The following STARD8 variants were observed in gnomAD, a reference collection of about 807,000 sequenced individuals.
STARD8 encodes the protein StAR related lipid transfer domain containing 8, also known as stAR-related lipid transfer protein 8.
In STARD8, 25 loss-of-function variants were observed where a neutral mutation model predicts 69.4. The observed-to-expected ratio is 0.36, with a 90% CI of 0.26 to 0.50. STARD8 has a LOEUF of 0.50. Ranked by LOEUF, STARD8 falls within the 20% of genes least tolerant of loss-of-function variation. STARD8 has a pLI of 0.96. For synonymous variants in STARD8, 389 were observed against 374.6 expected (o/e 1.04, Z -0.45); for missense variants, 921 against 932.5 (o/e 0.99, Z 0.16).
chrX:68,710,974 C>T (rs1487301239), intron 2 of STARD8, among the ~76,000 whole-genome samples: 2 of 112,295 alleles, frequency 1.8e-5, no homozygotes, highest in African/African-American at 6.5e-5. Flanking sequence ...GTCCTAGCAG[C>T]AGAACCATGT....
chrX:68,652,647 G>A (rs924820455), intron 1 of STARD8, among the ~76,000 whole-genome samples: 17 of 107,752 alleles, frequency 1.6e-4, no homozygotes, highest in Admixed American at 1.4e-3. Context: ...CCGCTCCCCC[G>A]CAACACACAG....
chrX:68,700,209 T>C (rs1174303900), intron 2 of STARD8, among the ~76,000 whole-genome samples: 2 of 112,224 alleles, frequency 1.8e-5, no homozygotes, highest in African/African-American at 6.5e-5. Context: ...ATGATGACTA[T>C]GAGTCCTCCC....
intron 1 of STARD8, chrX:68,656,679 T>TA (rs1363012828): frequency 9.0e-6 from 1 of 111,679 alleles, no homozygotes; most frequent in Non-Finnish European, 1.9e-5. Flanking sequence ...TATGCAGCCA[T>TA]AAAAAAGGAT....
chrX:68,659,314 C>T (rs1008271790), intron 1 of STARD8, among the ~76,000 whole-genome samples: 11 of 111,981 alleles, frequency 9.8e-5, no homozygotes, highest in African/African-American at 3.6e-4. Flanking sequence ...AACATTTTTA[C>T]CTGCCATTCC....
chrX:68,666,600 G>A (rs988245613), intron 2 of STARD8, among the ~76,000 whole-genome samples: 1 of 112,124 alleles, frequency 8.9e-6, no homozygotes, highest in African/African-American at 3.2e-5. Context: ...CCATCTTACG[G>A]CTCTGAGTTT....
chrX:68,666,912 A>T (rs2079687279), intron 2 of STARD8, among the ~76,000 whole-genome samples: 1 of 111,779 alleles, frequency 8.9e-6, no homozygotes, highest in African/African-American at 3.3e-5. Flanking sequence ...AGGCTAAAAG[A>T]AACCCCTCAG....
At chrX:68,713,122 G>A (rs1331415282) in intron 3 of STARD8, 137 bp downstream of exon 3, 1 of 593,099 alleles carries the variant, frequency 1.7e-6, no homozygotes, top group Non-Finnish European at 2.6e-6. Context: ...TTTTTTCAGG[G>A]ACTTTGCTCC....
At chrX:68,653,290 A>C (rs1437200722) in intron 1 of STARD8, among the ~76,000 whole-genome samples, 3 of 30,755 alleles carry the variant, frequency 9.8e-5, no homozygotes, top group African/African-American at 1.3e-4. Context: ...CACACACACC[A>C]CACACCACAC....
chrX:68,674,681 A>G (rs1233581173), intron 2 of STARD8, among the ~76,000 whole-genome samples: 2 of 111,724 alleles, frequency 1.8e-5, no homozygotes, highest in East Asian at 2.8e-4. Context: ...CAGTTTCTGG[A>G]AAATTCATAA....
chrX:68,684,405 G>A lies in STARD8; in HGVS notation c.79+18873G>A, dbSNP rs184989338. On this transcript the variant is annotated intron_variant, in intron 2 of 14. Coordinates refer to ENST00000374599, the MANE Select transcript of STARD8 (RefSeq NM_001142503.3). ...GGTGGGACTGGACAGGGCGGGAGAT[G>A]CCTTAGCAGGGTGGGAAGTGACTGC... is the stretch of plus-strand genomic sequence containing the variant. Among the ~76,000 whole-genome samples, 102 of 113,091 alleles carry A rather than the reference G, an allele frequency of 9.0e-4. No homozygotes were observed. The East Asian group carries it at 0.024, about 27-fold the overall frequency.
At chrX:68,716,299 G>A in intron 4 of STARD8, 69 bp from the exon 5 acceptor site, 2 of 1,018,182 alleles carry the variant, frequency 2.0e-6, no homozygotes, top group African/African-American at 3.7e-5. Context: ...AGTGGCAGGT[G>A]CATCTTGGTA....
chrX:68,693,708 C>T, intron 2 of STARD8: 3 of 755,033 alleles, frequency 4.0e-6, no homozygotes, highest in East Asian at 1.5e-4. Context: ...GGCACCGTCA[C>T]CCCTGCCCGA....
Position 68,718,202 on chromosome X carries a change from G to A in STARD8, c.1288G>A (p.Ala430Thr). ...EEEATSSVEIATVEVKCQAEA... is the reference protein window; with the variant it reads ...EEEATSSVEITTVEVKCQAEA... ...GGAGGCCACTTCATCAGTAGAAATA[G>A]CCACAGTTGAGGTCAAATGCCAAGC... is the stretch of plus-strand genomic sequence containing the variant. Residue 430 changes from alanine to threonine, a missense_variant, in exon 6 of 15, where the codon GCC becomes ACC. Physicochemically the swap from Ala to Thr is moderately conservative, Grantham distance 58 (BLOSUM62 0). Coordinates refer to ENST00000374599, the MANE Select transcript of STARD8 (RefSeq NM_001142503.3). 1 of 1,211,694 alleles carries A rather than the reference G, an allele frequency of 8.3e-7. No individual in the cohort carries two copies. Among genetic ancestry groups the A allele is most frequent in the Non-Finnish European group, 1.1e-6 (1 of 895,482 alleles).
intron 6 of STARD8, among the ~76,000 whole-genome samples, chrX:68,718,946 C>G (rs770793136): frequency 1.8e-5 from 2 of 110,435 alleles, no homozygotes; most frequent in Non-Finnish European, 3.8e-5. Context: ...TGGAGCAGCC[C>G]CTCCACAGTA....
Position 68,697,268 on chromosome X carries a change from ATCCAT to A in STARD8, c.80-15641_80-15637del, listed in dbSNP as rs773977497. ...CTGGACGTCCATTCTGCCCTGGGAAATCCATTCCAGGGAGTGATTGCTTTTGACTG... is the reference window on the plus strand; with the variant it reads ...CTGGACGTCCATTCTGCCCTGGGAAATCCAGGGAGTGATTGCTTTTGACTG... On this transcript the variant is annotated intron_variant, in intron 2 of 14. Transcript: ENST00000374599. 5.3e-3 allele frequency among the ~76,000 whole-genome samples: 597 copies of A among 111,934 alleles called. 3 individuals are homozygous for A. The highest frequency in any genetic ancestry group is 0.019 in the African/African-American group (578 of 30,734).
intron 7 of STARD8, among the ~76,000 whole-genome samples, 157 bp downstream of exon 7, chrX:68,719,555 G>T (rs1213907863): frequency 8.9e-6 from 1 of 112,819 alleles, no homozygotes; most frequent in East Asian, 2.8e-4. Context: ...GGTGAGGCTG[G>T]GTATGGGGCA....
chrX:68,721,148 C>T (rs373807410), intron 9 of STARD8, 26 bp downstream of exon 9: 1 of 1,197,043 alleles, frequency 8.4e-7, no homozygotes, highest in Non-Finnish European at 1.1e-6. Flanking sequence ...CTATCCCCAA[C>T]AACCTGTCCC....
intron 1 of STARD8, among the ~76,000 whole-genome samples, chrX:68,652,014 AT>A (rs376303482): frequency 0.011 from 1,091 of 97,630 alleles, 8 homozygotes; most frequent in African/African-American, 0.022. Flanking sequence ...CGCCCAGCTA[AT>A]TTTTTTTTTT....
At chrX:68,677,868 TAGAG>T (rs1021191557) in intron 2 of STARD8, among the ~76,000 whole-genome samples, 1 of 81,499 alleles carries the variant, frequency 1.2e-5, no homozygotes, top group Admixed American at 1.8e-4. Context: ...TACATATATA[TAGAG>T]AGAGAGGAAG....
Sources: allele counts gnomAD v4.1 joint callset (sites outside exome capture counted in the v4.1 genomes callset), GRCh38; gene constraint gnomAD v4.1.1; transcripts MANE v1.5; gene names NCBI Gene and HGNC (gene_info 2026-07-23, HGNC 2026-07-21).